NELL1: variants seen among roughly 807,000 people sequenced by gnomAD.
NELL1 encodes the protein neural EGFL like 1.
In NELL1, 76 loss-of-function variants were observed where a neutral mutation model predicts 107.4. The ratio of observed to expected loss-of-function variants is 0.71; its 90% confidence interval spans 0.59 to 0.86. The LOEUF is 0.86. Ranked by LOEUF, NELL1 falls within the 40% of genes least tolerant of loss-of-function variation. The pLI is 0.00. For missense variants in NELL1, 1,024 were observed against 1,005.5 expected (o/e 1.02, Z -0.25); for synonymous variants, 353 against 341.2 (o/e 1.03, Z -0.38).
chr11:21,350,212 A>C (rs1850774623), intron 14 of NELL1, among the ~76,000 whole-genome samples: 1 of 152,142 alleles, frequency 6.6e-6, no homozygotes, highest in Non-Finnish European at 1.5e-5. Flanking sequence ...TCTTAATGCC[A>C]GTAATTCTTG....
intron 14 of NELL1, among the ~76,000 whole-genome samples, chr11:21,283,232 T>G (rs1004598131): frequency 6.6e-6 from 1 of 152,220 alleles, no homozygotes; most frequent in East Asian, 1.9e-4. Flanking sequence ...TTTACCCTCA[T>G]GTGATTATTA....
intron 12 of NELL1, among the ~76,000 whole-genome samples, chr11:21,092,393 T>TC (rs1216462369): frequency 6.6e-6 from 1 of 152,150 alleles, no homozygotes; most frequent in African/African-American, 2.4e-5. Flanking sequence ...CCTTAGTTTT[T>TC]CCCATCTGTA....
chr11:20,857,404 A>G (rs1848903294), intron 4 of NELL1, among the ~76,000 whole-genome samples: 1 of 152,142 alleles, frequency 6.6e-6, no homozygotes, highest in Admixed American at 6.5e-5. Context: ...GACATTTGGC[A>G]TAGCTGGCAG....
At chr11:20,711,466 T>G (rs572451685) in intron 2 of NELL1, among the ~76,000 whole-genome samples, 1 of 152,298 alleles carries the variant, frequency 6.6e-6, no homozygotes, top group African/African-American at 2.4e-5. Flanking sequence ...TGTTATTGTT[T>G]TATAGGTCCT....
At chr11:21,226,776 T>C (rs1466666070) in intron 13 of NELL1, among the ~76,000 whole-genome samples, 6 of 152,264 alleles carry the variant, frequency 3.9e-5, no homozygotes, top group South Asian at 2.1e-4. Context: ...AGTTCTAAGA[T>C]AGATGAAATT....
At chr11:21,202,524 T>G (rs1411782571) in intron 13 of NELL1, among the ~76,000 whole-genome samples, 2 of 152,164 alleles carry the variant, frequency 1.3e-5, no homozygotes, top group Non-Finnish European at 2.9e-5. Context: ...CATTTCTTCT[T>G]TATTAGTCTG....
intron 2 of NELL1, among the ~76,000 whole-genome samples, chr11:20,764,778 G>T (rs1241136788): frequency 6.6e-6 from 1 of 151,998 alleles, no homozygotes; most frequent in Non-Finnish European, 1.5e-5. Flanking sequence ...AGGCTGAGGG[G>T]GAAGGAAACT....
intron 13 of NELL1, among the ~76,000 whole-genome samples, chr11:21,155,187 A>T (rs1408552212): frequency 6.6e-6 from 1 of 152,152 alleles, no homozygotes; most frequent in Admixed American, 6.6e-5. Context: ...TGGGTGGATG[A>T]TGGTATTACT....
At chr11:21,171,649 A>G (rs1377744) in intron 13 of NELL1, among the ~76,000 whole-genome samples, 115,680 of 151,634 alleles carry the variant, frequency 0.76, 44,533 homozygotes, top group African/African-American at 0.84. Flanking sequence ...GCTCCTTTGC[A>G]TTTCTGAATT....
chr11:21,058,771 T>C (rs748673304), intron 12 of NELL1, among the ~76,000 whole-genome samples: 2 of 152,298 alleles, frequency 1.3e-5, no homozygotes, highest in East Asian at 1.9e-4. Flanking sequence ...GAATATCTTA[T>C]GGAAATGTGA....
intron 15 of NELL1, among the ~76,000 whole-genome samples, chr11:21,408,051 G>T (rs535612037): frequency 7.9e-5 from 12 of 151,916 alleles, no homozygotes; most frequent in Non-Finnish European, 1.3e-4. Context: ...CACATAGAGG[G>T]GTGGCAAGTG....
Position 20,928,422 on chromosome 11 carries a change from T to G in NELL1, c.940T>G (p.Cys314Gly). ...CRRMSCPPLNCSPDSLPVHIA... is the reference protein window; with the variant it reads ...CRRMSCPPLNGSPDSLPVHIA... ...AAGGATGTCCTGTCCCCCTCTCAAT[T>G]GCTCCCCAGACTCCCTCCCAGTGCA... Residue 314 changes from cysteine (C) to glycine (G), a missense_variant, in exon 9 of 20, where the codon TGC (cysteine) becomes GGC (glycine). Cys to Gly is a radical substitution (Grantham distance 159). Transcript: ENST00000357134. The G allele has an allele frequency of 1.9e-6, 3 of 1,614,070 alleles. No homozygotes were observed. Among genetic ancestry groups the G allele is most frequent in the Non-Finnish European group, 2.5e-6 (3 of 1,179,966 alleles).
At position 21,573,192 on chromosome 11, in the gene NELL1, A is replaced by G. The variant is rs1468501473; in HGVS notation, c.2165A>G (p.Glu722Gly). 1.2e-6 allele frequency: 2 copies of G among 1,611,366 alleles called. No individual in the cohort carries two copies. Among genetic ancestry groups the G allele is most frequent in the Admixed American group, 3.3e-5 (2 of 59,800 alleles). The change falls in exon 19 of 20, where the codon GAG becomes GGG. Residue 722 changes from glutamate (E) to glycine (G), a missense_variant. By Grantham distance (98) the Glu-to-Gly change is moderately conservative. Transcript: ENST00000357134. ...SCQQCRCLEG[E>G]VDCWPLTCPN... ...TTTGCTTTTCCTCTACAGGAAGGAG[A>G]GGTAGATTGCTGGCCACTCACTTGC...
chr11:21,457,701 G>A (rs894399885), intron 15 of NELL1, among the ~76,000 whole-genome samples: 12 of 152,118 alleles, frequency 7.9e-5, no homozygotes, highest in African/African-American at 2.9e-4. Flanking sequence ...AGAGTTTGGA[G>A]ATTTATCAAC....
intron 14 of NELL1, among the ~76,000 whole-genome samples, chr11:21,241,531 G>T (rs1858359402): frequency 6.6e-6 from 1 of 152,070 alleles, no homozygotes; most frequent in South Asian, 2.1e-4. Context: ...GCTTCAAGAG[G>T]CTTCTCTTGA....
At chr11:20,805,280 AG>A (rs1211553463) in intron 3 of NELL1, among the ~76,000 whole-genome samples, 2 of 152,188 alleles carry the variant, frequency 1.3e-5, no homozygotes, top group Non-Finnish European at 2.9e-5. Context: ...TAAAGAGTTT[AG>A]TCCATTCACA....
intron 12 of NELL1, among the ~76,000 whole-genome samples, chr11:20,987,633 C>G (rs1851879962): frequency 2.0e-5 from 3 of 152,132 alleles, no homozygotes; most frequent in Admixed American, 2.0e-4. Context: ...TCCGATGATT[C>G]AATTACCTCC....
chr11:21,238,579 A>G (rs1454432579), intron 14 of NELL1, among the ~76,000 whole-genome samples: 1 of 152,072 alleles, frequency 6.6e-6, no homozygotes, highest in African/African-American at 2.4e-5. Context: ...CAAAGGAGAA[A>G]GGGGCTTTGC....
At chr11:20,716,114 T>G (rs1183198976) in intron 2 of NELL1, among the ~76,000 whole-genome samples, 4 of 152,228 alleles carry the variant, frequency 2.6e-5, no homozygotes, top group Non-Finnish European at 5.9e-5. Context: ...GCACATGTAG[T>G]GATAAGCTAG....
Sources: gnomAD v4.1 joint callset for allele counts (sites outside exome capture counted in the v4.1 genomes callset) on GRCh38, gnomAD v4.1.1 for gene constraint, MANE v1.5 for transcripts, NCBI Gene and HGNC (gene_info 2026-07-23, HGNC 2026-07-21) for gene names.